The following ANKS1B variants were observed in gnomAD, a reference collection of about 807,000 sequenced individuals.
The protein encoded by ANKS1B is ankyrin repeat and sterile alpha motif domain-containing protein 1B.
A neutral mutation model predicts 148.3 loss-of-function variants in ANKS1B; 36 were observed. The observed-to-expected ratio is 0.24, with a 90% CI of 0.19 to 0.32. The LOEUF (loss-of-function observed/expected upper bound fraction) is 0.32. Ranked by LOEUF, ANKS1B falls within the 10% of genes least tolerant of loss-of-function variation. The pLI, the probability that ANKS1B is intolerant of heterozygous loss-of-function variation, is 1.00. For synonymous variants in ANKS1B, 542 were observed against 560.8 expected (o/e 0.97, Z 0.47); for missense variants, 1,157 against 1,542.6 (o/e 0.75, Z 4.19).
intron 1 of ANKS1B, among the ~76,000 whole-genome samples, chr12:99,913,390 A>G (rs1212682134): frequency 6.6e-6 from 1 of 152,242 alleles, no homozygotes; most frequent in Non-Finnish European, 1.5e-5. Flanking sequence ...TCACTAGTGA[A>G]CAGACATTTC....
intron 12 of ANKS1B, among the ~76,000 whole-genome samples, chr12:99,361,340 G>A (rs1566957694): frequency 6.6e-6 from 1 of 152,070 alleles, no homozygotes. Context: ...CAAGTACTAG[G>A]TGTACTTTTT....
intron 12 of ANKS1B, among the ~76,000 whole-genome samples, chr12:99,282,279 T>A (rs1204033207): frequency 6.6e-6 from 1 of 152,108 alleles, no homozygotes; most frequent in African/African-American, 2.4e-5. Context: ...CTATGCTTGG[T>A]ATGTTCAAGA....
At chr12:99,304,388 C>T (rs1021514149) in intron 12 of ANKS1B, among the ~76,000 whole-genome samples, 6 of 152,054 alleles carry the variant, frequency 3.9e-5, no homozygotes, top group African/African-American at 1.2e-4. Context: ...AGAAGGTTCT[C>T]GTTCTCTAGT....
At chr12:99,200,354 C>A (rs139322395) in intron 14 of ANKS1B, among the ~76,000 whole-genome samples, 6 of 152,150 alleles carry the variant, frequency 3.9e-5, no homozygotes, top group African/African-American at 1.4e-4. Flanking sequence ...GGTTAATTAG[C>A]GCATTTTGCA....
chr12:99,878,427 G>A (rs565882137), intron 1 of ANKS1B, among the ~76,000 whole-genome samples: 1 of 152,324 alleles, frequency 6.6e-6, no homozygotes, highest in East Asian at 1.9e-4. Flanking sequence ...ACATTACAAT[G>A]TGCTTTGGTG....
intron 14 of ANKS1B, among the ~76,000 whole-genome samples, chr12:99,188,731 C>T (rs920403307): frequency 2.0e-5 from 3 of 152,152 alleles, no homozygotes; most frequent in Non-Finnish European, 2.9e-5. Flanking sequence ...TAAATGCCCA[C>T]AGCAGAAAAC....
At chr12:99,291,395 C>A (rs1044228846) in intron 12 of ANKS1B, among the ~76,000 whole-genome samples, 1 of 151,922 alleles carries the variant, frequency 6.6e-6, no homozygotes, top group Non-Finnish European at 1.5e-5. Context: ...AAAAAATTTC[C>A]TAAAATTATA....
At position 99,661,155 on chromosome 12, in the gene ANKS1B, T is replaced by C. The variant is rs371258829; in HGVS notation, c.1129-5945A>G. ...CCAGACCTCCACAAACAAGTTTTAT[T>C]GAGGTCTAAAGGAACTCCCAAATCT... is the stretch of plus-strand genomic sequence containing the variant. On this transcript the variant is annotated intron_variant, in intron 8 of 26. Coordinates refer to ENST00000683438, the MANE Select transcript of ANKS1B (RefSeq NM_001352186.2). 9.2e-5 allele frequency among the ~76,000 whole-genome samples: 14 copies of C among 152,246 alleles called. No individual in the cohort carries two copies. In the East Asian group the frequency reaches 1.5e-3, roughly 17 times the overall value.
chr12:99,790,344 G>A (rs2065489512), intron 4 of ANKS1B, among the ~76,000 whole-genome samples: 1 of 152,058 alleles, frequency 6.6e-6, no homozygotes, highest in African/African-American at 2.4e-5. Context: ...TCAACACCAG[G>A]CCTGTCTTGC....
chr12:99,190,781 T>C (rs1376562832), intron 14 of ANKS1B, among the ~76,000 whole-genome samples: 3 of 152,148 alleles, frequency 2.0e-5, no homozygotes, highest in African/African-American at 4.8e-5. Context: ...GACACAGGCA[T>C]GGGCAAAGAC....
intron 9 of ANKS1B, among the ~76,000 whole-genome samples, chr12:99,610,657 G>A (rs994984522): frequency 1.3e-5 from 2 of 152,024 alleles, no homozygotes; most frequent in Non-Finnish European, 2.9e-5. Context: ...ATTCGCTTCA[G>A]TCCAAAGTAC....
chr12:99,281,937 C>A (rs1366389017), intron 12 of ANKS1B, among the ~76,000 whole-genome samples: 1 of 152,200 alleles, frequency 6.6e-6, no homozygotes, highest in African/African-American at 2.4e-5. Flanking sequence ...ATAACAGCCA[C>A]TGTTGTATGT....
chr12:99,193,394 A>G (rs1334308948), intron 14 of ANKS1B, among the ~76,000 whole-genome samples: 2 of 152,184 alleles, frequency 1.3e-5, no homozygotes, highest in Admixed American at 6.5e-5. Context: ...CTGAACAAAG[A>G]GGTCCTGGTA....
intron 9 of ANKS1B, among the ~76,000 whole-genome samples, chr12:99,602,299 T>C (rs190562023): frequency 6.6e-6 from 1 of 152,162 alleles, no homozygotes; most frequent in East Asian, 1.9e-4. Context: ...TGAAAATATG[T>C]CTGTCCAATT....
At chr12:99,635,716 G>A (rs1440306338) in intron 9 of ANKS1B, among the ~76,000 whole-genome samples, 1 of 151,980 alleles carries the variant, frequency 6.6e-6, no homozygotes, top group Non-Finnish European at 1.5e-5. Context: ...CTATTGAACT[G>A]TACACTTTAA....
intron 11 of ANKS1B, among the ~76,000 whole-genome samples, chr12:99,410,265 A>G (rs1594227398): frequency 6.6e-6 from 1 of 152,192 alleles, no homozygotes; most frequent in African/African-American, 2.4e-5. Flanking sequence ...TTTTCCTGCT[A>G]CAGTAGCAGA....
intron 14 of ANKS1B, among the ~76,000 whole-genome samples, chr12:99,165,798 T>C (rs529399523): frequency 3.9e-5 from 6 of 152,056 alleles, no homozygotes; most frequent in African/African-American, 1.2e-4. Flanking sequence ...ATTATTTTGA[T>C]ACCAAAATCA....
intron 15 of ANKS1B, 78 bp downstream of exon 15, chr12:99,154,211 C>T (rs2075652771): frequency 6.4e-7 from 1 of 1,555,096 alleles, no homozygotes. Flanking sequence ...GCAAATCAGG[C>T]TGCCTCTGAG....
chr12:99,134,645 T>TCTCACACACACA (rs1380319841), intron 15 of ANKS1B, among the ~76,000 whole-genome samples: 3 of 105,048 alleles, frequency 2.9e-5, no homozygotes, highest in East Asian at 2.6e-4. Flanking sequence ...TCTCTCTCTC[T>TCTCACACACACA]CACACACACA....
Sources: allele counts gnomAD v4.1 joint callset (sites outside exome capture counted in the v4.1 genomes callset), GRCh38; gene constraint gnomAD v4.1.1; transcripts MANE v1.5; gene names NCBI Gene and HGNC (gene_info 2026-07-23, HGNC 2026-07-21).